Variants in PRKCB observed in about 807,000 individuals in gnomAD.
The protein encoded by PRKCB is protein kinase C beta.
Under a neutral mutation model 81.5 loss-of-function variants are expected in PRKCB, and 13 were observed. The ratio of observed to expected loss-of-function variants is 0.16; its 90% CI spans 0.10 to 0.25. The LOEUF (loss-of-function observed/expected upper bound fraction) is 0.25. PRKCB is among the 10% of genes least tolerant of loss of function. The pLI, the probability that PRKCB is intolerant of heterozygous loss-of-function variation, is 1.00. For missense variants in PRKCB, 509 were observed against 875.7 expected (o/e 0.58, Z 5.29); for synonymous variants, 335 against 321.4 (o/e 1.04, Z -0.45).
intron 3 of PRKCB, among the ~76,000 whole-genome samples, chr16:24,020,191 T>G (rs2141843970): frequency 6.6e-6 from 1 of 152,350 alleles, no homozygotes; most frequent in Middle Eastern, 3.4e-3. Flanking sequence ...TTTTAAAATT[T>G]TAAATTGTCT....
chr16:24,128,968 G>T (rs114207326), intron 9 of PRKCB, among the ~76,000 whole-genome samples: 1 of 152,094 alleles, frequency 6.6e-6, no homozygotes, highest in Non-Finnish European at 1.5e-5. Context: ...GATTTGTACC[G>T]TCCGGATTGA....
chr16:24,101,581 A>G (rs1341322125), intron 7 of PRKCB, among the ~76,000 whole-genome samples: 3 of 152,246 alleles, frequency 2.0e-5, no homozygotes, highest in African/African-American at 7.2e-5. Flanking sequence ...ATGAAGTTGA[A>G]CTGAAACTAA....
chr16:24,077,487 C>CTCCATCCA (rs71154273), intron 5 of PRKCB, among the ~76,000 whole-genome samples: 3,126 of 149,692 alleles, frequency 0.021, 101 homozygotes, highest in African/African-American at 0.071. Flanking sequence ...GCATTCATCT[C>CTCCATCCA]TCCATCCATC....
rs1443505519 is a variant in PRKCB at position 24,092,728 on chromosome 16, TCA to T, written c.530-61_530-60del. The T allele has an allele frequency of 8.8e-6, 13 of 1,481,140 alleles. No homozygotes were observed. In the East Asian group the frequency reaches 3.0e-4, roughly 34 times the overall value. 91.7% of individuals were successfully genotyped at this position (1,481,140 alleles called of 1,614,324 possible). On this transcript the variant is annotated intron_variant, in intron 5 of 16. Coordinates refer to ENST00000643927, the MANE Select transcript of PRKCB (RefSeq NM_002738.7). ...GAACCTTCCACAAGTTCTGCAGCTGTCACTGCTTGGTGCTTAAACATGTTGGA... is the reference window on the plus strand; with the variant it reads ...GAACCTTCCACAAGTTCTGCAGCTGTCTGCTTGGTGCTTAAACATGTTGGA...
Position 23,877,895 on chromosome 16 carries a change from ATGATCTCGGCTCACCGCAACC to A in PRKCB, c.205+40491_205+40511del, listed in dbSNP as rs1438537941. ...GTCATCCACACTGGAGTGCAGTGGC[ATGATCTCGGCTCACCGCAACC>A]TCCGCCTCCCAGGGTCAGGTGATTC... On this transcript the variant is annotated intron_variant, in intron 2 of 16. Coordinates refer to ENST00000643927, the MANE Select transcript of PRKCB (RefSeq NM_002738.7). Among the ~76,000 whole-genome samples the A allele has an allele frequency of 7.3e-5, 11 of 150,964 alleles. No homozygotes were observed. The East Asian group carries it at 1.8e-3, about 24-fold the overall frequency.
intron 3 of PRKCB, among the ~76,000 whole-genome samples, chr16:24,010,552 C>T (rs934305310): frequency 1.3e-5 from 2 of 152,098 alleles, no homozygotes. Flanking sequence ...TAGTCCAAGG[C>T]AGGGAGCTTT....
chr16:24,131,972 C>T (rs1966853942), intron 9 of PRKCB, among the ~76,000 whole-genome samples: 2 of 152,104 alleles, frequency 1.3e-5, no homozygotes, highest in African/African-American at 4.8e-5. Context: ...CTGTTCATCC[C>T]CCTCCTCCAT....
At chr16:23,966,997 T>C (rs1484409702) in intron 2 of PRKCB, among the ~76,000 whole-genome samples, 1 of 146,430 alleles carries the variant, frequency 6.8e-6, no homozygotes, top group Admixed American at 7.0e-5. Context: ...AGCTTAAGAA[T>C]TGGCAGTGGT....
chr16:24,008,076 C>A (rs1177422966), intron 3 of PRKCB, among the ~76,000 whole-genome samples: 1 of 151,580 alleles, frequency 6.6e-6, no homozygotes, highest in Non-Finnish European at 1.5e-5. Flanking sequence ...TATAATAATT[C>A]TTCATTCTTC....
At chr16:23,898,752 A>G (rs1489235123) in intron 2 of PRKCB, among the ~76,000 whole-genome samples, 1 of 152,180 alleles carries the variant, frequency 6.6e-6, no homozygotes, top group Non-Finnish European at 1.5e-5. Context: ...ACATAACAAA[A>G]TAATAATATG....
At chr16:23,999,935 C>T (rs1444614690) in intron 3 of PRKCB, among the ~76,000 whole-genome samples, 2 of 152,086 alleles carry the variant, frequency 1.3e-5, no homozygotes, top group Non-Finnish European at 2.9e-5. Flanking sequence ...AGCAGGTTGT[C>T]GGCCTGTGTG....
In PRKCB at chr16:23,839,891, A is replaced by G. The variant is rs558624729; in HGVS notation, c.205+2485A>G. Among the ~76,000 whole-genome samples the G allele has an allele frequency of 1.1e-4, 17 of 152,240 alleles. No individual in the cohort carries two copies. In the South Asian group the frequency reaches 3.1e-3, roughly 28 times the overall value. On this transcript the variant is annotated intron_variant, in intron 2 of 16. Transcript: ENST00000643927. ...TTATGATTGTCCCCAGACTACCCCA[A>G]TGGTGGGGCAGCTGGCACGAGAGAA... is the stretch of plus-strand genomic sequence containing the variant.
At chr16:23,874,025 A>G (rs1405372474) in intron 2 of PRKCB, among the ~76,000 whole-genome samples, 2 of 152,196 alleles carry the variant, frequency 1.3e-5, no homozygotes, top group Non-Finnish European at 2.9e-5. Flanking sequence ...GAACCCTTGA[A>G]TTTCAAAGTT....
intron 7 of PRKCB, among the ~76,000 whole-genome samples, chr16:24,109,396 G>A (rs1383739622): frequency 4.7e-5 from 6 of 126,384 alleles, no homozygotes; most frequent in South Asian, 2.6e-4. Context: ...CAGACGGGGC[G>A]GCCGGGCAGA....
chr16:24,061,910 T>TTAAAAA, intron 5 of PRKCB, among the ~76,000 whole-genome samples: 1 of 93,760 alleles, frequency 1.1e-5, no homozygotes, highest in Non-Finnish European at 2.2e-5. Flanking sequence ...CTTAAATAAA[T>TTAAAAA]AAAAAAAAAA....
At chr16:23,855,534 C>T (rs1041161960) in intron 2 of PRKCB, among the ~76,000 whole-genome samples, 5 of 152,006 alleles carry the variant, frequency 3.3e-5, no homozygotes, top group African/African-American at 1.2e-4. Context: ...TTAAATGTGC[C>T]CTTGTAAAAA....
At chr16:24,131,149 A>G (rs956914106) in intron 9 of PRKCB, among the ~76,000 whole-genome samples, 3 of 152,246 alleles carry the variant, frequency 2.0e-5, no homozygotes, top group African/African-American at 7.2e-5. Flanking sequence ...TTATGAAATT[A>G]AAAAGAAAAA....
At chr16:24,197,748 C>T (rs1245963673) in intron 16 of PRKCB, among the ~76,000 whole-genome samples, 2 of 152,098 alleles carry the variant, frequency 1.3e-5, no homozygotes, top group Non-Finnish European at 2.9e-5. Context: ...AGTTGGCATC[C>T]TCAGGTCCTC....
intron 15 of PRKCB, 83 bp downstream of exon 15, chr16:24,185,650 G>T (rs3729903): frequency 4.4e-5 from 51 of 1,151,958 alleles, no homozygotes; most frequent in African/African-American, 4.3e-4. Context: ...ACCCCACCAG[G>T]GGGGAACACA....
Sources: allele counts gnomAD v4.1 joint callset (sites outside exome capture counted in the v4.1 genomes callset), GRCh38; gene constraint gnomAD v4.1.1; transcripts MANE v1.5; gene names NCBI Gene and HGNC (gene_info 2026-07-23, HGNC 2026-07-21).